NTRK3: variants seen among roughly 807,000 people sequenced by gnomAD.
The protein encoded by NTRK3 is NT-3 growth factor receptor.
NTRK3 carries 24 observed loss-of-function variants against 91.7 expected under a neutral mutation model. The observed-to-expected ratio is 0.26, with a 90% CI of 0.19 to 0.37. NTRK3 has a LOEUF of 0.37. Ranked by LOEUF, NTRK3 falls within the 10% of genes least tolerant of loss-of-function variation. The pLI is 1.00. For missense variants in NTRK3, 880 were observed against 1,068.9 expected, an observed-to-expected ratio of 0.82 and a Z score of 2.46; for synonymous variants, 483 against 404.0, an observed-to-expected ratio of 1.20 and a Z score of -2.34.
intron 13 of NTRK3, among the ~76,000 whole-genome samples, chr15:88,119,686 A>C (rs1164407534): frequency 6.6e-6 from 1 of 152,200 alleles, no homozygotes; most frequent in Non-Finnish European, 1.5e-5. Context: ...ATAGAAAAAG[A>C]AGTCAAGAAG....
At chr15:87,881,426 T>C (rs2065241985) in intron 17 of NTRK3, among the ~76,000 whole-genome samples, 1 of 148,788 alleles carries the variant, frequency 6.7e-6, no homozygotes, top group African/African-American at 2.5e-5. Flanking sequence ...TATTTATTTA[T>C]TTATTTATTT....
chr15:88,135,150 G>A (rs1365386929), exon 10 of NTRK3: 2 of 1,614,240 alleles, frequency 1.2e-6, no homozygotes, highest in Non-Finnish European at 1.7e-6. Context: ...GGTTGGCTGT[G>A]CCCAGTGGGT....
At chr15:88,001,850 C>T (rs77394221) in intron 14 of NTRK3, among the ~76,000 whole-genome samples, 1,746 of 152,170 alleles carry the variant, frequency 0.011, 32 homozygotes, top group African/African-American at 0.04. Flanking sequence ...GTTTTAGGAT[C>T]AGCATGTCAA....
intron 5 of NTRK3, among the ~76,000 whole-genome samples, chr15:88,174,703 A>T (rs2045833803): frequency 6.6e-6 from 1 of 152,232 alleles, no homozygotes. Flanking sequence ...TGCCATAAGC[A>T]GGCTGTCTGC....
chr15:87,967,809 G>A (rs57008154), intron 14 of NTRK3, among the ~76,000 whole-genome samples: 3,276 of 152,286 alleles, frequency 0.022, 115 homozygotes, highest in African/African-American at 0.074. Context: ...ATGCATGGTT[G>A]TAGCCAGTTT....
At chr15:87,991,097 C>G (rs2075252134) in intron 14 of NTRK3, among the ~76,000 whole-genome samples, 1 of 152,156 alleles carries the variant, frequency 6.6e-6, no homozygotes, top group Non-Finnish European at 1.5e-5. Context: ...AATGTGGCAC[C>G]TTGACCATCC....
chr15:88,118,065 C>T (rs2052303623), intron 13 of NTRK3, among the ~76,000 whole-genome samples: 1 of 152,218 alleles, frequency 6.6e-6, no homozygotes, highest in Admixed American at 6.5e-5. Context: ...GGATTTGCAG[C>T]CGTTGGCTTG....
chr15:87,939,499 A>G (rs946854876), intron 15 of NTRK3, among the ~76,000 whole-genome samples: 1 of 152,220 alleles, frequency 6.6e-6, no homozygotes, highest in African/African-American at 2.4e-5. Context: ...TATTGCCTTC[A>G]TTCTTCGAGG....
At chr15:87,942,190 G>A (rs928559029) in intron 14 of NTRK3, among the ~76,000 whole-genome samples, 3 of 152,188 alleles carry the variant, frequency 2.0e-5, no homozygotes, top group African/African-American at 4.8e-5. Flanking sequence ...AAGGATTTGC[G>A]AGAGGAAGCA....
In NTRK3 at chr15:88,184,211, C is replaced by T. The variant is rs776043031; in HGVS notation, c.323+14G>A. 7 of 1,613,810 alleles carry T rather than the reference C, an allele frequency of 4.3e-6. No individual in the cohort carries two copies. In the South Asian group the frequency reaches 7.7e-5, roughly 18 times the overall value. ...TCCACAGGGAAAGGCCTCTCTGTGG[C>T]CGGGTGTACTCACAGCTTTTGAAGT... On this transcript the variant is annotated intron_variant, in intron 4 of 18. Transcript: ENST00000394480.
intron 13 of NTRK3, among the ~76,000 whole-genome samples, chr15:88,124,392 A>G (rs1016168885): frequency 5.9e-5 from 9 of 152,158 alleles, no homozygotes; most frequent in African/African-American, 2.2e-4. Flanking sequence ...TCCATCCGAC[A>G]TGGGGACATG....
chr15:88,032,138 T>G (rs1482586800), intron 14 of NTRK3, among the ~76,000 whole-genome samples: 1 of 151,940 alleles, frequency 6.6e-6, no homozygotes, highest in East Asian at 1.9e-4. Context: ...GGGCCCAGAT[T>G]GAACCTGGGC....
intron 14 of NTRK3, among the ~76,000 whole-genome samples, chr15:87,989,616 C>T (rs143647337): frequency 0.026 from 3,935 of 151,658 alleles, 67 homozygotes; most frequent in South Asian, 0.056. Flanking sequence ...CAAACCTGCA[C>T]GTTGTGCACA....
chr15:87,997,906 A>G (rs62019231), intron 14 of NTRK3, among the ~76,000 whole-genome samples: 7,185 of 152,260 alleles, frequency 0.047, 251 homozygotes, highest in South Asian at 0.13. Context: ...GGGGAGAGTC[A>G]CTGTCTTTCC....
chr15:88,217,781 C>T (rs1278952373), intron 3 of NTRK3, among the ~76,000 whole-genome samples: 9 of 26,014 alleles, frequency 3.5e-4, no homozygotes, highest in South Asian at 1.0e-3. Flanking sequence ...TTTTTTGAGG[C>T]GGAGTCTCAC....
chr15:88,151,319 T>C (rs562820948), intron 5 of NTRK3, among the ~76,000 whole-genome samples: 1 of 152,216 alleles, frequency 6.6e-6, no homozygotes, highest in African/African-American at 2.4e-5. Flanking sequence ...TAAACAATGA[T>C]GATGTGGCTA....
chr15:87,910,718 G>A (rs1160597532), intron 17 of NTRK3, among the ~76,000 whole-genome samples: 1 of 152,176 alleles, frequency 6.6e-6, no homozygotes, highest in Non-Finnish European at 1.5e-5. Context: ...CAATGGAGCA[G>A]GGAAAGAATG....
At chr15:88,190,456 G>A (rs776400343) in intron 3 of NTRK3, among the ~76,000 whole-genome samples, 2 of 152,190 alleles carry the variant, frequency 1.3e-5, no homozygotes, top group African/African-American at 2.4e-5. Context: ...ACCCTCAGAA[G>A]CTCTTGATGG....
intron 13 of NTRK3, among the ~76,000 whole-genome samples, chr15:88,085,640 TA>T: frequency 6.6e-6 from 1 of 151,558 alleles, no homozygotes; most frequent in South Asian, 2.1e-4. Context: ...GGTGGTTTGT[TA>T]CCCAGCAGTA....
Sources: gnomAD v4.1 joint callset for allele counts (sites outside exome capture counted in the v4.1 genomes callset) on GRCh38, gnomAD v4.1.1 for gene constraint, MANE v1.5 for transcripts, NCBI Gene and HGNC (gene_info 2026-07-23, HGNC 2026-07-21) for gene names.